GOLGA7: variants seen among roughly 807,000 people sequenced by gnomAD.
GOLGA7 encodes the protein golgin A7.
A neutral mutation model predicts 21.1 loss-of-function variants in GOLGA7; 10 were observed. That is an observed-to-expected ratio of 0.47 (90% CI 0.29 to 0.80). GOLGA7 has a LOEUF of 0.80. Among genes scored for constraint, GOLGA7 ranks in the 30% least tolerant of loss-of-function variants. GOLGA7 has a pLI of 0.08. For missense variants in GOLGA7, 114 were observed against 166.8 expected, an observed-to-expected ratio of 0.68 and a Z score of 1.74; for synonymous variants, 64 against 62.6, an observed-to-expected ratio of 1.02 and a Z score of -0.10.
intron 4 of GOLGA7, among the ~76,000 whole-genome samples, chr8:41,508,330 C>T (rs777575000): frequency 1.3e-5 from 2 of 152,178 alleles, no homozygotes; most frequent in Non-Finnish European, 2.9e-5. Context: ...TGCAACATTC[C>T]AGAGCTGCCT....
intron 2 of GOLGA7, among the ~76,000 whole-genome samples, chr8:41,498,711 CA>C (rs1404273137): frequency 6.6e-6 from 1 of 152,208 alleles, no homozygotes; most frequent in African/African-American, 2.4e-5. Flanking sequence ...TGGAATGTAG[CA>C]GTTTATTTTC....
chr8:41,506,770 A>G (rs2150447246), intron 3 of GOLGA7, among the ~76,000 whole-genome samples: 1 of 152,310 alleles, frequency 6.6e-6, no homozygotes, highest in East Asian at 1.9e-4. Flanking sequence ...TTCTCAGTTA[A>G]GAACTCCCTA....
chr8:41,493,324 G>T (rs965602659), intron 1 of GOLGA7, among the ~76,000 whole-genome samples: 1 of 152,144 alleles, frequency 6.6e-6, no homozygotes, highest in African/African-American at 2.4e-5. Flanking sequence ...TTCCTTTTGT[G>T]AGAACATCAC....
At chr8:41,505,876 A>G in intron 2 of GOLGA7, 35 bp from the exon 3 acceptor site, 2 of 1,092,886 alleles carry the variant, frequency 1.8e-6, no homozygotes, top group Non-Finnish European at 1.4e-6. Context: ...AATCTGATGA[A>G]GTTTGTAAGA....
chr8:41,504,243 C>T (rs575436010), intron 2 of GOLGA7, among the ~76,000 whole-genome samples: 3 of 151,894 alleles, frequency 2.0e-5, no homozygotes, highest in South Asian at 2.1e-4. Flanking sequence ...AGAAAGGAGA[C>T]GGAAAGCTGT....
chr8:41,502,048 A>C (rs1806161870), intron 2 of GOLGA7, among the ~76,000 whole-genome samples: 1 of 152,246 alleles, frequency 6.6e-6, no homozygotes. Flanking sequence ...CCAGAAACCA[A>C]ATTTAAGGCA....
At chr8:41,507,173 G>A (rs1027601120) in intron 4 of GOLGA7, 52 bp downstream of exon 4, 4 of 777,868 alleles carry the variant, frequency 5.1e-6, no homozygotes, top group Admixed American at 3.6e-5. Context: ...TTTAGAGGAT[G>A]CATGAATATT....
intron 2 of GOLGA7, among the ~76,000 whole-genome samples, chr8:41,504,206 G>A (rs1174473159): frequency 6.6e-6 from 1 of 151,600 alleles, no homozygotes; most frequent in South Asian, 2.1e-4. Flanking sequence ...TGATGTTGCC[G>A]TTTCTTTGCT....
chr8:41,508,259 A>G (rs752286689), intron 4 of GOLGA7, among the ~76,000 whole-genome samples: 13 of 152,200 alleles, frequency 8.5e-5, no homozygotes, highest in African/African-American at 2.2e-4. Context: ...TTCTTTTTCA[A>G]TACTTTAAAA....
At chr8:41,497,796 G>A (rs1462561671) in intron 2 of GOLGA7, 135 bp downstream of exon 2, 3 of 585,430 alleles carry the variant, frequency 5.1e-6, no homozygotes, top group South Asian at 2.1e-5. Context: ...TGTTGTTCCT[G>A]TGTACAGAGG....
In GOLGA7 at chr8:41,500,970, T is replaced by C. The variant is rs139119698; in HGVS notation, c.264+3309T>C. On this transcript the variant is annotated intron_variant, in intron 2 of 4. Coordinates refer to ENST00000357743, the MANE Select transcript of GOLGA7 (RefSeq NM_001002296.2). ...TAGGTAGAAACTTTATCATCTGGAA[T>C]GACTATTTACAGAAGTCCATAATAT... 2.0e-3 allele frequency among the ~76,000 whole-genome samples: 312 copies of C among 152,352 alleles called. 2 individuals carry two copies. The highest frequency in any genetic ancestry group is 7.1e-3 in the African/African-American group (296 of 41,580).
chr8:41,503,063 A>G (rs1245424705), intron 2 of GOLGA7, among the ~76,000 whole-genome samples: 1 of 151,792 alleles, frequency 6.6e-6, no homozygotes, highest in Non-Finnish European at 1.5e-5. Context: ...TTATTTTGAG[A>G]CTAAGTTTTA....
chr8:41,501,185 C>A (rs915873266), intron 2 of GOLGA7, among the ~76,000 whole-genome samples: 2 of 152,122 alleles, frequency 1.3e-5, no homozygotes, highest in Non-Finnish European at 2.9e-5. Flanking sequence ...TCAGTTTATA[C>A]TAATTATGAG....
chr8:41,492,386 G>A (rs530372784), intron 1 of GOLGA7, among the ~76,000 whole-genome samples: 306 of 152,332 alleles, frequency 2.0e-3, no homozygotes, highest in Non-Finnish European at 3.4e-3. Context: ...ATCTGGCTGG[G>A]CCCGGTGGCT....
chr8:41,501,979 G>A (rs976743975), intron 2 of GOLGA7, among the ~76,000 whole-genome samples: 1 of 152,086 alleles, frequency 6.6e-6, no homozygotes, highest in Non-Finnish European at 1.5e-5. Flanking sequence ...TCTAAGCAAG[G>A]CCCCTTTCTT....
intron 1 of GOLGA7, among the ~76,000 whole-genome samples, chr8:41,491,725 G>A (rs959729545): frequency 5.9e-5 from 9 of 151,978 alleles, no homozygotes; most frequent in African/African-American, 1.9e-4. Flanking sequence ...AATGGAGTGT[G>A]TGCGTGCCTG....
intron 2 of GOLGA7, among the ~76,000 whole-genome samples, chr8:41,504,112 G>C (rs1806216529): frequency 3.5e-5 from 2 of 57,388 alleles, no homozygotes; most frequent in South Asian, 1.6e-3. Context: ...CTAAAACTTA[G>C]AGTATAATAA....
chr8:41,507,071 AT>A lies in GOLGA7; in HGVS notation c.382del (p.Tyr128MetfsTer6). On this transcript the variant is annotated frameshift_variant, in exon 4 of 5. Transcript: ENST00000357743. LOFTEE classifies it high-confidence loss of function. ...ERGLRVIEITIYEDRGMSSGR is the reference protein window; with the variant it reads ...ERGLRVIEITXYEDRGMSSGR ...CCATGCTGTTTAGATTGAAATTACCATTTATGAAGACAGAGGCATGAGCAGT... is the reference window on the plus strand; with the variant it reads ...CCATGCTGTTTAGATTGAAATTACCATTATGAAGACAGAGGCATGAGCAGT... 7.3e-7 allele frequency: 1 copy of A among 1,364,332 alleles called. No individual in the cohort carries two copies. Among genetic ancestry groups the A allele is most frequent in the Non-Finnish European group, 1.1e-6 (1 of 951,988 alleles). The allele number at this position is 1,364,332 out of a possible 1,614,324, so 84.5% of individuals were successfully genotyped here. A position where few individuals can be genotyped will look rare whatever the true frequency, so the allele number is the denominator to read the frequency against.
At chr8:41,505,175 T>C (rs1053646825) in intron 2 of GOLGA7, among the ~76,000 whole-genome samples, 7 of 152,220 alleles carry the variant, frequency 4.6e-5, no homozygotes, top group Admixed American at 3.9e-4. Flanking sequence ...TTCCAGAAGT[T>C]CCTTTGTATC....
Sources: gnomAD v4.1 joint callset for allele counts (sites outside exome capture counted in the v4.1 genomes callset) on GRCh38, gnomAD v4.1.1 for gene constraint, MANE v1.5 for transcripts, NCBI Gene and HGNC (gene_info 2026-07-23, HGNC 2026-07-21) for gene names.